SIK3: variants seen among roughly 807,000 people sequenced by gnomAD.
SIK3 encodes SIK family kinase 3.
Under a neutral mutation model 144.2 loss-of-function variants are expected in SIK3, and 28 were observed. That is an observed-to-expected ratio of 0.19 (90% CI 0.14 to 0.27). The LOEUF (loss-of-function observed/expected upper bound fraction) is 0.27, where lower values mean the gene tolerates loss of function less well. Among genes scored for constraint, SIK3 ranks in the 10% least tolerant of loss-of-function variants. The pLI is 1.00. For synonymous variants in SIK3, 686 were observed against 676.3 expected (o/e 1.01, Z -0.22); for missense variants, 1,319 against 1,776.0 (o/e 0.74, Z 4.62).
intron 3 of SIK3, among the ~76,000 whole-genome samples, chr11:116,931,659 C>A (rs1947609582): frequency 6.6e-6 from 1 of 152,186 alleles, no homozygotes; most frequent in African/African-American, 2.4e-5. Flanking sequence ...TAGGTGACTA[C>A]CTGAAAAAAC....
At chr11:117,015,074 A>C (rs1951462358) in intron 1 of SIK3, among the ~76,000 whole-genome samples, 1 of 152,154 alleles carries the variant, frequency 6.6e-6, no homozygotes. Flanking sequence ...CAAAATACAC[A>C]AAAGTTTTTA....
chr11:117,020,330 T>C (rs17120237), intron 1 of SIK3, among the ~76,000 whole-genome samples: 24,035 of 149,348 alleles, frequency 0.16, 2,099 homozygotes, highest in Admixed American at 0.21. Flanking sequence ...GTTAAAATAC[T>C]GTATTCGGCC....
chr11:116,952,140 G>A (rs1272000584), intron 3 of SIK3, among the ~76,000 whole-genome samples: 2 of 151,906 alleles, frequency 1.3e-5, no homozygotes, highest in Admixed American at 1.3e-4. Context: ...TACCTAACAG[G>A]CAGCTCAAGG....
intron 1 of SIK3, among the ~76,000 whole-genome samples, chr11:117,056,574 T>TAGATATAGATATAG (rs1268944430): frequency 2.5e-5 from 3 of 119,828 alleles, no homozygotes; most frequent in Admixed American, 7.8e-5. Context: ...GATATAGATA[T>TAGATATAGATATAG]AGATATAGAT....
intron 20 of SIK3, 150 bp downstream of exon 20, chr11:116,859,115 A>G: frequency 2.6e-6 from 2 of 758,812 alleles, no homozygotes; most frequent in Middle Eastern, 3.8e-4. Context: ...GTTCATTCCA[A>G]ACCCAGCATC....
intron 3 of SIK3, among the ~76,000 whole-genome samples, chr11:116,946,330 A>T (rs1565485542): frequency 1.3e-5 from 2 of 152,162 alleles, no homozygotes; most frequent in African/African-American, 4.8e-5. Context: ...GGCAGAAGAT[A>T]GGAAACCCCT....
At chr11:117,056,620 C>A (rs534262759) in intron 1 of SIK3, among the ~76,000 whole-genome samples, 1 of 150,228 alleles carries the variant, frequency 6.7e-6, no homozygotes, top group South Asian at 2.1e-4. Flanking sequence ...GAAGAAGTGG[C>A]AGAATGGGAT....
chr11:117,080,580 GA>G (rs370044939), intron 1 of SIK3, among the ~76,000 whole-genome samples: 2,183 of 150,824 alleles, frequency 0.014, 53 homozygotes, highest in African/African-American at 0.049. Flanking sequence ...AAATGGAATA[GA>G]AAAAAAAACC....
intron 1 of SIK3, among the ~76,000 whole-genome samples, chr11:117,003,268 C>G (rs1198589620): frequency 6.6e-6 from 1 of 152,208 alleles, no homozygotes; most frequent in South Asian, 2.1e-4. Flanking sequence ...ATGTGCCCAA[C>G]TCTCACATAC....
chr11:116,939,908 C>T (rs1948192538), intron 3 of SIK3, among the ~76,000 whole-genome samples: 1 of 152,172 alleles, frequency 6.6e-6, no homozygotes, highest in Non-Finnish European at 1.5e-5. Context: ...AGACATTTTT[C>T]AACTCAATGG....
chr11:117,017,664 A>AT (rs1378259300), intron 1 of SIK3, among the ~76,000 whole-genome samples: 2 of 152,148 alleles, frequency 1.3e-5, no homozygotes, highest in Non-Finnish European at 2.9e-5. Flanking sequence ...GTAGAAAAAA[A>AT]ACTGGTTATA....
chr11:117,042,155 T>C (rs531159614), intron 1 of SIK3, among the ~76,000 whole-genome samples: 2 of 152,218 alleles, frequency 1.3e-5, no homozygotes, highest in Admixed American at 6.5e-5. Flanking sequence ...TGATATGCTA[T>C]AGTTCCCCCA....
chr11:117,044,092 T>C (rs541954589), intron 1 of SIK3, among the ~76,000 whole-genome samples: 1 of 152,254 alleles, frequency 6.6e-6, no homozygotes, highest in Non-Finnish European at 1.5e-5. Flanking sequence ...AGACTACTTT[T>C]AAAACTATTC....
Position 116,861,941 on chromosome 11 carries a change from G to T in SIK3, c.2230-15C>A. The T allele has an allele frequency of 6.4e-7, 1 of 1,573,584 alleles. No homozygotes were observed. The highest frequency in any genetic ancestry group is 8.7e-7 in the Non-Finnish European group (1 of 1,151,122). On this transcript the variant is annotated splice_polypyrimidine_tract_variant and intron_variant, in intron 17 of 24. Coordinates refer to ENST00000445177, the MANE Select transcript of SIK3 (RefSeq NM_001366686.3). ...CAGATAGAGTCCTAAAACATATATG[G>T]GGAAAGGAAAAAAATTATTGTGAGC...
chr11:116,863,680 T>C lies in SIK3; in HGVS notation c.2091A>G (p.Lys697=). The change falls in exon 16 of 25, where the codon AAA becomes AAG. Residue 697 remains lysine, a synonymous_variant. Transcript: ENST00000445177. ...CCTCTTCCATTACCTGCTGCAGCTG[T>C]TTGATGCTGCTGTTGTTGCCCATTT... is the stretch of plus-strand genomic sequence containing the variant. ...LEKMGNNSSI[K]QLQQECEQLQ... 2 of 1,614,176 alleles carry C rather than the reference T, an allele frequency of 1.2e-6. No homozygotes were observed. The highest frequency in any genetic ancestry group is 2.2e-5 in the South Asian group (2 of 91,084).
chr11:116,973,127 C>A (rs966784131), intron 1 of SIK3, among the ~76,000 whole-genome samples: 5 of 152,172 alleles, frequency 3.3e-5, no homozygotes, highest in African/African-American at 9.7e-5. Flanking sequence ...TACTGTACAG[C>A]CTTCTGAGAC....
At chr11:116,920,675 C>T (rs79489590) in intron 4 of SIK3, among the ~76,000 whole-genome samples, 2,916 of 152,320 alleles carry the variant, frequency 0.019, 45 homozygotes, top group Non-Finnish European at 0.03. Flanking sequence ...TCACATGACA[C>T]TGGACGCACC....
rs77182215 is a variant in SIK3, at chr11:117,071,650, C to A, written c.273+26493G>T. ...TTTTGTTTTGTAAGACAGGGTCTCG[C>A]TCTGTCCTCCAGGCTGGAATGCAGT... is the stretch of plus-strand genomic sequence containing the variant. On this transcript the variant is annotated intron_variant, in intron 1 of 24. Coordinates refer to ENST00000445177, the MANE Select transcript of SIK3 (RefSeq NM_001366686.3). 8.7e-3 allele frequency among the ~76,000 whole-genome samples: 1,318 copies of A among 152,244 alleles called. 38 individuals are homozygous for A. Among genetic ancestry groups the A allele is most frequent in the East Asian group, 0.085 (440 of 5,184 alleles).
intron 6 of SIK3, among the ~76,000 whole-genome samples, chr11:116,879,763 A>G (rs1422885537): frequency 6.6e-6 from 1 of 152,252 alleles, no homozygotes; most frequent in East Asian, 1.9e-4. Flanking sequence ...GTACATCTCA[A>G]AGACTTCTAC....
Sources: gnomAD v4.1 joint callset for allele counts (sites outside exome capture counted in the v4.1 genomes callset) on GRCh38, gnomAD v4.1.1 for gene constraint, MANE v1.5 for transcripts, NCBI Gene and HGNC (gene_info 2026-07-23, HGNC 2026-07-21) for gene names.